Variants in RTTN observed in about 807,000 individuals in gnomAD.
RTTN encodes the protein rotatin.
Under a neutral mutation model 269.2 loss-of-function variants are expected in RTTN, and 182 were observed. The observed-to-expected ratio is 0.68, with a 90% CI of 0.60 to 0.76. The LOEUF is 0.76. RTTN is among the 30% of genes least tolerant of loss of function. RTTN has a pLI of 0.00. For missense variants in RTTN, 2,545 were observed against 2,608.6 expected (o/e 0.98, Z 0.53); for synonymous variants, 1,006 against 963.5 (o/e 1.04, Z -0.82).
chr18:70,167,266 A>C (rs1332318275), intron 12 of RTTN, among the ~76,000 whole-genome samples: 2 of 152,224 alleles, frequency 1.3e-5, no homozygotes, highest in African/African-American at 4.8e-5. Flanking sequence ...ACTCTGAGTA[A>C]GCTTAAAGTT....
chr18:70,167,408 A>G (rs937542190), intron 12 of RTTN, among the ~76,000 whole-genome samples: 2 of 152,214 alleles, frequency 1.3e-5, no homozygotes, highest in African/African-American at 2.4e-5. Flanking sequence ...CACACAGGAC[A>G]TTGAACACAT....
intron 25 of RTTN, among the ~76,000 whole-genome samples, chr18:70,123,903 T>G (rs1055758896): frequency 1.3e-5 from 2 of 151,846 alleles, no homozygotes; most frequent in African/African-American, 4.8e-5. Flanking sequence ...GGAAAAGCAG[T>G]AGGAAAAGAA....
At chr18:70,178,402 G>A (rs1340252983) in intron 10 of RTTN, among the ~76,000 whole-genome samples, 1 of 152,094 alleles carries the variant, frequency 6.6e-6, no homozygotes, top group African/African-American at 2.4e-5. Context: ...CAGGAGCTGG[G>A]GATAGGCAGA....
intron 35 of RTTN, chr18:70,061,475 T>C (rs2057984280): frequency 4.4e-6 from 2 of 455,100 alleles, no homozygotes; most frequent in Non-Finnish European, 8.8e-6. Flanking sequence ...AGTGTCATTG[T>C]TTCTAAGCTA....
intron 28 of RTTN, among the ~76,000 whole-genome samples, chr18:70,106,072 T>G (rs283767): frequency 0.9 from 137,710 of 152,218 alleles, 63,054 homozygotes; most frequent in East Asian, 1. Context: ...AAAGGTCCAG[T>G]TACAGTGGCT....
At chr18:70,023,364 T>C (rs1056875685) in intron 44 of RTTN, among the ~76,000 whole-genome samples, 2 of 152,294 alleles carry the variant, frequency 1.3e-5, no homozygotes, top group Middle Eastern at 6.8e-3. Flanking sequence ...ATTCCCAACA[T>C]TTGAAATCTT....
chr18:70,142,350 G>T lies in RTTN; in HGVS notation c.2519C>A (p.Ser840Ter). 1 of 1,602,904 alleles carries T rather than the reference G, an allele frequency of 6.2e-7. No individual in the cohort carries two copies. Reference sequence around the variant, plus strand: ...TCTCAAAACGAGATCAACATCATCTGAGGTGAAGATTTCATATACCTTTTC... The same window carrying T: ...TCTCAAAACGAGATCAACATCATCTTAGGTGAAGATTTCATATACCTTTTC... The part of the protein sequence containing the change: ...TVEKVYEIFT[S>*]DDVDLVLRKS... The change falls in exon 19 of 49, where the codon TCA (serine) becomes TAA (stop). Residue 840 changes from serine (S) to a stop codon, truncating the protein, a stop_gained. Transcript: ENST00000640769. LOFTEE classifies it high-confidence loss of function.
chr18:70,155,665 C>CCAGA (rs2060653623), intron 14 of RTTN, among the ~76,000 whole-genome samples: 1 of 152,194 alleles, frequency 6.6e-6, no homozygotes, highest in Non-Finnish European at 1.5e-5. Context: ...TGCACAGAGC[C>CCAGA]CAGAGGGTCT....
intron 28 of RTTN, among the ~76,000 whole-genome samples, chr18:70,100,169 C>T (rs982809672): frequency 6.6e-6 from 1 of 152,162 alleles, no homozygotes; most frequent in African/African-American, 2.4e-5. Context: ...ATTACCTTGG[C>T]CAGTATGGCC....
intron 10 of RTTN, among the ~76,000 whole-genome samples, chr18:70,179,513 T>C (rs768219588): frequency 3.3e-5 from 5 of 152,158 alleles, no homozygotes; most frequent in African/African-American, 4.8e-5. Flanking sequence ...TAGGAAAGGA[T>C]TGAAAAACAA....
At chr18:70,031,863 G>A (rs182532400) in intron 40 of RTTN, among the ~76,000 whole-genome samples, 4 of 152,028 alleles carry the variant, frequency 2.6e-5, no homozygotes, top group East Asian at 3.9e-4. Context: ...GACCCTGCTC[G>A]GGGCTACCAA....
intron 36 of RTTN, among the ~76,000 whole-genome samples, chr18:70,059,025 G>C (rs73466761): frequency 0.019 from 2,950 of 152,272 alleles, 84 homozygotes; most frequent in African/African-American, 0.067. Flanking sequence ...TAAAGGGACA[G>C]AGAGACAGAG....
chr18:70,195,648 C>A (rs561327071), intron 7 of RTTN, among the ~76,000 whole-genome samples: 2 of 152,304 alleles, frequency 1.3e-5, no homozygotes, highest in South Asian at 4.1e-4. Flanking sequence ...TGTTATACTT[C>A]CCTAGAGGCT....
intron 44 of RTTN, among the ~76,000 whole-genome samples, chr18:70,022,710 C>G (rs1375072769): frequency 6.6e-6 from 1 of 152,170 alleles, no homozygotes; most frequent in South Asian, 2.1e-4. Context: ...GCCATTTTTT[C>G]TATCCTCACT....
chr18:70,205,324 G>C lies in RTTN; in HGVS notation c.32-9C>G. The C allele has an allele frequency of 4.3e-6, 7 of 1,613,878 alleles. No homozygotes were observed. The highest frequency in any genetic ancestry group is 5.9e-6 in the Non-Finnish European group (7 of 1,179,820). ...CTCGGCCAGCTGATGACCTGTCAAC[G>C]AACGGCACAAAACTATTTTATTTCC... On this transcript the variant is annotated splice_polypyrimidine_tract_variant and intron_variant, in intron 1 of 48. Transcript: ENST00000640769.
intron 10 of RTTN, among the ~76,000 whole-genome samples, chr18:70,186,249 A>C (rs554677017): frequency 6.6e-6 from 1 of 152,332 alleles, no homozygotes; most frequent in African/African-American, 2.4e-5. Context: ...TCAGAAATAA[A>C]ATGAATAAAC....
At chr18:70,076,911 C>CAG (rs58921417) in intron 32 of RTTN, among the ~76,000 whole-genome samples, 137,302 of 151,844 alleles carry the variant, frequency 0.9, 62,840 homozygotes, top group East Asian at 1. Flanking sequence ...CCCAAAATCA[C>CAG]AGTCAATCTT....
chr18:70,193,296 C>T lies in RTTN; in HGVS notation c.999G>A (p.Ala333=), dbSNP rs755744735. The T allele has an allele frequency of 1.1e-5, 18 of 1,610,270 alleles. No homozygotes were observed. The highest frequency in any genetic ancestry group is 1.6e-4 in the Middle Eastern group (1 of 6,064). The change falls in exon 8 of 49, where the codon GCG becomes GCA. Residue 333 remains alanine (A), a synonymous_variant. Transcript: ENST00000640769. Reference sequence around the variant, plus strand: ...ACACTGCTAGCAGTCACCTAGAGGACGCTGCATCCCAGTCCTGGCCATCTC... The same window carrying T: ...ACACTGCTAGCAGTCACCTAGAGGATGCTGCATCCCAGTCCTGGCCATCTC... ...PRGDGQDWDA[A]SSSGSSSHAH...
intron 46 of RTTN, among the ~76,000 whole-genome samples, chr18:70,009,253 G>A (rs1442759085): frequency 2.6e-5 from 4 of 151,832 alleles, no homozygotes; most frequent in Admixed American, 2.6e-4. Flanking sequence ...CTTCTGTCTC[G>A]GCCTCCTGAG....
Sources: gnomAD v4.1 joint callset for allele counts (sites outside exome capture counted in the v4.1 genomes callset) on GRCh38, gnomAD v4.1.1 for gene constraint, MANE v1.5 for transcripts, NCBI Gene and HGNC (gene_info 2026-07-23, HGNC 2026-07-21) for gene names.